Variants in RBFOX1 observed in about 807,000 individuals in gnomAD.
The protein encoded by RBFOX1 is RNA binding protein fox-1 homolog 1.
In RBFOX1, 8 loss-of-function variants were observed where a neutral mutation model predicts 57.7. That is an observed-to-expected ratio of 0.14 (90% CI 0.08 to 0.25). The LOEUF is 0.25. Among genes scored for constraint, RBFOX1 ranks in the 10% least tolerant of loss-of-function variants. The probability of loss-of-function intolerance (pLI) is 1.00; values close to 1 mark genes in which losing one functional copy is unlikely to be tolerated. For synonymous variants in RBFOX1, 326 were observed against 222.4 expected (o/e 1.47, Z -4.15); for missense variants, 611 against 548.5 (o/e 1.11, Z -1.14).
intron 3 of RBFOX1, among the ~76,000 whole-genome samples, chr16:6,896,971 G>A (rs143631086): frequency 6.5e-4 from 99 of 152,292 alleles, no homozygotes; most frequent in South Asian, 3.1e-3. Context: ...CTGACAGGCC[G>A]TCTAAGGAAA....
intron 3 of RBFOX1, among the ~76,000 whole-genome samples, chr16:5,802,128 C>A (rs1414705151): frequency 6.6e-6 from 1 of 152,088 alleles, no homozygotes; most frequent in Non-Finnish European, 1.5e-5. Flanking sequence ...CTCCTTAAGA[C>A]GTTCCTGGTG....
rs934726179 is a variant in RBFOX1, at chr16:5,546,921, C to G, written c.259-51981C>G. Among the ~76,000 whole-genome samples the G allele has an allele frequency of 3.9e-5, 6 of 152,112 alleles. 1 individual carries two copies. The Middle Eastern group carries it at 0.014, about 345-fold the overall frequency. On this transcript the variant is annotated intron_variant, in intron 2 of 2. Transcript: ENST00000585867. The stretch of plus-strand genomic sequence containing the variant: ...CTCAAAACTCGATAATAAGACAATA[C>G]CCAATAAAACAATGATAAAATATTT...
intron 3 of RBFOX1, among the ~76,000 whole-genome samples, chr16:7,031,787 G>C (rs1273207510): frequency 6.6e-6 from 1 of 152,162 alleles, no homozygotes. Context: ...AGAAGATGCA[G>C]ATGGCTTGTG....
intron 3 of RBFOX1, among the ~76,000 whole-genome samples, chr16:5,846,073 T>G (rs1474773402): frequency 6.6e-6 from 1 of 151,780 alleles, no homozygotes; most frequent in Non-Finnish European, 1.5e-5. Flanking sequence ...TCCTAACTAC[T>G]TGGGAGGCTG....
intron 5 of RBFOX1, among the ~76,000 whole-genome samples, chr16:7,574,165 A>C (rs1452125506): frequency 6.6e-6 from 1 of 152,104 alleles, no homozygotes; most frequent in Non-Finnish European, 1.5e-5. Context: ...TGGCCTTTCA[A>C]GAGGCTGATG....
intron 1 of RBFOX1, chr16:5,366,354 A>G: frequency 2.7e-6 from 1 of 369,796 alleles, no homozygotes; most frequent in Non-Finnish European, 5.2e-6. Flanking sequence ...TGATTTTGAT[A>G]ATGAGAAAAC....
intron 3 of RBFOX1, among the ~76,000 whole-genome samples, chr16:6,675,969 C>T (rs529173541): frequency 6.6e-6 from 1 of 152,114 alleles, no homozygotes; most frequent in East Asian, 1.9e-4. Context: ...GGACAAGCGT[C>T]AGCTTTACGT....
chr16:7,644,579 C>G (rs1442022779), intron 11 of RBFOX1, among the ~76,000 whole-genome samples: 5 of 152,154 alleles, frequency 3.3e-5, no homozygotes, highest in Non-Finnish European at 5.9e-5. Flanking sequence ...CATTTTCTTT[C>G]GTAACTGTAG....
intron 3 of RBFOX1, among the ~76,000 whole-genome samples, chr16:5,664,198 C>G (rs1038248426): frequency 6.6e-6 from 1 of 152,210 alleles, no homozygotes; most frequent in Non-Finnish European, 1.5e-5. Flanking sequence ...AACTGCATCT[C>G]TTGACTTGGG....
intron 3 of RBFOX1, among the ~76,000 whole-genome samples, chr16:6,813,824 C>G (rs188639528): frequency 6.6e-5 from 10 of 151,970 alleles, no homozygotes; most frequent in Admixed American, 3.9e-4. Context: ...AGGGAGGAGG[C>G]GCTGTTGATA....
chr16:5,760,351 T>G (rs1053190422), intron 3 of RBFOX1, among the ~76,000 whole-genome samples: 11 of 151,036 alleles, frequency 7.3e-5, no homozygotes, highest in Admixed American at 2.6e-4. Flanking sequence ...AGATAAGTAC[T>G]CAGCAATTTC....
Position 5,297,615 on chromosome 16 carries a change from A to G in RBFOX1, c.219+57510A>G, listed in dbSNP as rs1190465369. Among the ~76,000 whole-genome samples, 3 of 151,992 alleles carry G rather than the reference A, an allele frequency of 2.0e-5. No homozygotes were observed. In the South Asian group the frequency reaches 6.2e-4, roughly 32 times the overall value. ...CTTACTATTGAGTTGAGTTCTTTAT[A>G]TGTTTTGGAGTTCCTTATATATATT... On this transcript the variant is annotated intron_variant, in intron 1 of 2. Transcript: ENST00000585867.
chr16:7,215,136 C>T (rs1329205412), intron 4 of RBFOX1, among the ~76,000 whole-genome samples: 1 of 152,270 alleles, frequency 6.6e-6, no homozygotes, highest in Non-Finnish European at 1.5e-5. Flanking sequence ...TCAACTCCCA[C>T]TTATGAGTGA....
intron 3 of RBFOX1, among the ~76,000 whole-genome samples, chr16:6,985,261 G>C (rs1054348051): frequency 2.6e-5 from 4 of 152,058 alleles, no homozygotes; most frequent in African/African-American, 7.2e-5. Flanking sequence ...CCACATATTG[G>C]TAGGGAATAT....
At chr16:6,029,915 T>C (rs975171120) in intron 1 of RBFOX1, among the ~76,000 whole-genome samples, 2 of 152,062 alleles carry the variant, frequency 1.3e-5, no homozygotes, top group African/African-American at 2.4e-5. Context: ...GCTATGATTA[T>C]TATTGTTATT....
chr16:6,506,624 ATTTTTTTTTTTTTTTTTTTTTTTTTT>A (rs71145238), intron 2 of RBFOX1, among the ~76,000 whole-genome samples: 5 of 98,422 alleles, frequency 5.1e-5, no homozygotes, highest in African/African-American at 2.2e-4. Flanking sequence ...ACAGTAGCTA[ATTTTTTTTTTTTTTTTTTTTTTTTTT>A]TTTTTTTTTT....
intron 3 of RBFOX1, among the ~76,000 whole-genome samples, chr16:5,827,913 CCAT>C (rs1335850132): frequency 5.4e-5 from 8 of 147,688 alleles, no homozygotes; most frequent in African/African-American, 1.8e-4. Context: ...ATCCATCCAT[CCAT>C]CCACCCATCC....
At chr16:5,647,319 G>C (rs1186046458) in intron 3 of RBFOX1, among the ~76,000 whole-genome samples, 1 of 152,170 alleles carries the variant, frequency 6.6e-6, no homozygotes, top group South Asian at 2.1e-4. Context: ...CTTAATGGTG[G>C]ACATTCTACT....
intron 3 of RBFOX1, among the ~76,000 whole-genome samples, chr16:6,824,534 A>G (rs1267010444): frequency 6.6e-6 from 1 of 152,038 alleles, no homozygotes; most frequent in Non-Finnish European, 1.5e-5. Context: ...CATGTTGAGT[A>G]TATCTCCTAT....
Sources: allele counts gnomAD v4.1 joint callset (sites outside exome capture counted in the v4.1 genomes callset), GRCh38; gene constraint gnomAD v4.1.1; transcripts MANE v1.5; gene names NCBI Gene and HGNC (gene_info 2026-07-23, HGNC 2026-07-21).